Variants in ADD3 observed in about 807,000 individuals in gnomAD.
The protein encoded by ADD3 is gamma-adducin.
Under a neutral mutation model 80.2 loss-of-function variants are expected in ADD3, and 25 were observed. The ratio of observed to expected loss-of-function variants is 0.31; its 90% CI spans 0.23 to 0.44. ADD3 has a LOEUF of 0.44. Ranked by LOEUF, ADD3 falls within the 20% of genes least tolerant of loss-of-function variation. The pLI, the probability that ADD3 is intolerant of heterozygous loss-of-function variation, is 1.00. For synonymous variants in ADD3, 284 were observed against 289.6 expected (o/e 0.98, Z 0.20); for missense variants, 829 against 847.5 (o/e 0.98, Z 0.27).
At chr10:110,065,484 GTCTGTCTCTC>G (rs897096928) in intron 1 of ADD3, among the ~76,000 whole-genome samples, 1 of 19,640 alleles carries the variant, frequency 5.1e-5, no homozygotes, top group African/African-American at 8.8e-5. Context: ...GTCTGTCTCT[GTCTGTCTCTC>G]TCTCTCTCTC....
rs556349152 is a variant in ADD3 at position 110,032,095 on chromosome 10, G to A, written c.-30+23796G>A. 7.8e-4 allele frequency among the ~76,000 whole-genome samples: 119 copies of A among 152,208 alleles called. 1 individual carries two copies. Among genetic ancestry groups the A allele is most frequent in the African/African-American group, 2.8e-3 (116 of 41,530 alleles). On this transcript the variant is annotated intron_variant, in intron 1 of 14. Transcript: ENST00000356080. ...GAAGAGTCTCCTTTGCTAAATGCCAGGAATATCAAATCTTGGACTTCAGAG... is the reference window on the plus strand; with the variant it reads ...GAAGAGTCTCCTTTGCTAAATGCCAAGAATATCAAATCTTGGACTTCAGAG...
At chr10:110,065,832 G>T (rs905879512) in intron 1 of ADD3, among the ~76,000 whole-genome samples, 3 of 151,558 alleles carry the variant, frequency 2.0e-5, no homozygotes, top group Non-Finnish European at 4.4e-5. Context: ...GAGCCACGGC[G>T]CCCGACCTCT....
At chr10:110,112,648 A>G (rs547631705) in intron 2 of ADD3, 129 bp from the exon 3 acceptor site, 1 of 1,082,484 alleles carries the variant, frequency 9.2e-7, no homozygotes, top group East Asian at 2.6e-5. Flanking sequence ...TGTGTTTTAT[A>G]TTTGTTTTTA....
chr10:110,127,225 CTT>C (rs1852286205), intron 12 of ADD3, among the ~76,000 whole-genome samples: 2 of 152,238 alleles, frequency 1.3e-5, no homozygotes, highest in South Asian at 4.1e-4. Context: ...TATTTCCTTT[CTT>C]ACATAAGTCA....
intron 2 of ADD3, among the ~76,000 whole-genome samples, chr10:110,109,485 G>A (rs1849746688): frequency 1.3e-5 from 2 of 151,996 alleles, no homozygotes; most frequent in South Asian, 4.1e-4. Flanking sequence ...AATTTTTCCT[G>A]GAAGAACATG....
At chr10:110,054,684 C>T (rs1226223018) in intron 1 of ADD3, among the ~76,000 whole-genome samples, 1 of 151,384 alleles carries the variant, frequency 6.6e-6, no homozygotes, top group African/African-American at 2.4e-5. Flanking sequence ...ACGATCTCCG[C>T]TCACTGCAAG....
chr10:110,080,099 G>A (rs1304233193), intron 1 of ADD3, among the ~76,000 whole-genome samples: 1 of 152,142 alleles, frequency 6.6e-6, no homozygotes, highest in African/African-American at 2.4e-5. Context: ...TATCAGACTA[G>A]GGCTCCAAAA....
intron 1 of ADD3, among the ~76,000 whole-genome samples, chr10:110,063,519 G>T (rs1223005071): frequency 1.3e-5 from 2 of 151,520 alleles, no homozygotes; most frequent in Non-Finnish European, 2.9e-5. Flanking sequence ...TTGGTTTTGT[G>T]AGAAAGAGGA....
chr10:110,070,992 GGT>G (rs1345613828), intron 1 of ADD3, among the ~76,000 whole-genome samples: 45 of 72,996 alleles, frequency 6.2e-4, no homozygotes, highest in African/African-American at 3.9e-3. Context: ...GGGGGGGGGG[GGT>G]GGGGAGCCAG....
At chr10:110,003,210 C>A (rs1424245764), upstream of ADD3, among the ~76,000 whole-genome samples, 4 of 151,958 alleles carry the variant, frequency 2.6e-5, no homozygotes, top group Admixed American at 6.6e-5. Flanking sequence ...TCTATAAATT[C>A]TTGGCTCTTC....
chr10:110,049,533 G>A (rs1053761682), intron 1 of ADD3, among the ~76,000 whole-genome samples: 2 of 152,318 alleles, frequency 1.3e-5, no homozygotes, highest in African/African-American at 4.8e-5. Context: ...CCCACCCCTT[G>A]CATCAGCGTG....
chr10:110,108,392 G>A (rs188009960), intron 2 of ADD3, among the ~76,000 whole-genome samples: 7 of 152,196 alleles, frequency 4.6e-5, no homozygotes, highest in African/African-American at 1.4e-4. Flanking sequence ...AAAAGAACTT[G>A]TGCTCAGTTG....
At chr10:110,026,040 A>G (rs960055791) in intron 1 of ADD3, among the ~76,000 whole-genome samples, 1 of 152,162 alleles carries the variant, frequency 6.6e-6, no homozygotes, top group African/African-American at 2.4e-5. Context: ...TATTATGTAT[A>G]TTGTTCCAAT....
At position 110,133,755 on chromosome 10, in the gene ADD3, GT is replaced by G; in HGVS notation, c.*141del. The G allele has an allele frequency of 1.4e-6, 1 of 691,016 alleles. No homozygotes were observed. Among genetic ancestry groups the G allele is most frequent in the Non-Finnish European group, 2.1e-6 (1 of 467,732 alleles). The allele number at this position is 691,016 out of a possible 1,614,324, so 42.8% of individuals were successfully genotyped here. On this transcript the variant is annotated 3_prime_UTR_variant, in exon 15 of 15. Coordinates refer to ENST00000356080, the MANE Select transcript of ADD3 (RefSeq NM_016824.5). ...ACTGGACTTTAAGAACTGGAAAGAG[GT>G]TTTACAAAAGAAAAACTTTCAGATT...
chr10:110,016,149 G>A (rs35096721), intron 1 of ADD3, among the ~76,000 whole-genome samples: 40,565 of 152,034 alleles, frequency 0.27, 7,909 homozygotes, highest in African/African-American at 0.54. Context: ...AATGTAACAG[G>A]ACATACTTCT....
chr10:110,079,461 A>AGTGTGTGT (rs1164637976), intron 1 of ADD3, among the ~76,000 whole-genome samples: 25 of 97,452 alleles, frequency 2.6e-4, no homozygotes, highest in African/African-American at 8.7e-4. Context: ...AGAGAGAGAG[A>AGTGTGTGT]GTGTGTGTGT....
Position 110,033,107 on chromosome 10 carries a change from T to C in ADD3, c.-30+24808T>C, listed in dbSNP as rs58352071. The stretch of plus-strand genomic sequence containing the variant: ...ACTTTTATAGGTCGATTATATAATG[T>C]GTGTGAGCACAGTGTTTCTCTTTGA... On this transcript the variant is annotated intron_variant, in intron 1 of 14. Transcript: ENST00000356080. 8.6e-4 allele frequency among the ~76,000 whole-genome samples: 131 copies of C among 152,368 alleles called. No homozygotes were observed. In the East Asian group the frequency reaches 0.023, roughly 27 times the overall value.
intron 1 of ADD3, among the ~76,000 whole-genome samples, chr10:110,073,844 G>A (rs777460058): frequency 6.6e-6 from 1 of 152,088 alleles, no homozygotes; most frequent in Non-Finnish European, 1.5e-5. Flanking sequence ...CTGAGTAGAG[G>A]AACCCATGGA....
chr10:110,128,946 G>T (rs1852560233), intron 12 of ADD3, among the ~76,000 whole-genome samples: 1 of 152,140 alleles, frequency 6.6e-6, no homozygotes, highest in Non-Finnish European at 1.5e-5. Context: ...GGGGATTGGT[G>T]GGCTTCACTG....
Sources: allele counts gnomAD v4.1 joint callset (sites outside exome capture counted in the v4.1 genomes callset), GRCh38; gene constraint gnomAD v4.1.1; transcripts MANE v1.5; gene names NCBI Gene and HGNC (gene_info 2026-07-23, HGNC 2026-07-21).